CSMD1: variants seen among roughly 807,000 people sequenced by gnomAD.
The protein encoded by CSMD1 is CUB and Sushi multiple domains 1.
CSMD1 carries 213 observed loss-of-function variants against 417.5 expected under a neutral mutation model. The observed-to-expected ratio is 0.51, with a 90% CI of 0.46 to 0.57. The LOEUF is 0.57. Among genes scored for constraint, CSMD1 ranks in the 20% least tolerant of loss-of-function variants. CSMD1 has a pLI of 0.00. For missense variants in CSMD1, 6,923 were observed against 4,529.7 expected (o/e 1.53, Z -15.17); for synonymous variants, 2,862 against 1,736.8 (o/e 1.65, Z -16.11).
At chr8:3,617,186 A>G (rs1223567821) in intron 7 of CSMD1, among the ~76,000 whole-genome samples, 1 of 152,212 alleles carries the variant, frequency 6.6e-6, no homozygotes, top group East Asian at 1.9e-4. Flanking sequence ...CATAGATGAC[A>G]ACAGAGATGA....
chr8:4,808,454 T>C (rs953003480), intron 1 of CSMD1, among the ~76,000 whole-genome samples: 1 of 152,186 alleles, frequency 6.6e-6, no homozygotes, highest in Non-Finnish European at 1.5e-5. Flanking sequence ...TCTTGTAACT[T>C]ACTTGAAGCT....
chr8:3,912,066 C>G (rs1325129789), intron 5 of CSMD1, among the ~76,000 whole-genome samples: 1 of 152,124 alleles, frequency 6.6e-6, no homozygotes, highest in Non-Finnish European at 1.5e-5. Flanking sequence ...TTATATTTGA[C>G]TGAGTCTTTT....
intron 3 of CSMD1, among the ~76,000 whole-genome samples, chr8:4,338,713 T>A (rs1409835024): frequency 6.6e-6 from 1 of 152,166 alleles, no homozygotes; most frequent in African/African-American, 2.4e-5. Context: ...ACAAGTATTT[T>A]TTTAACTCAG....
In CSMD1 at chr8:3,940,722, C is replaced by T. The variant is rs140784580; in HGVS notation, c.818+57181G>A. On this transcript the variant is annotated intron_variant, in intron 5 of 69. Transcript: ENST00000635120. ...TTTTATAATACAAATTTCATACTAGCATTCATTTTTAAAGTAGCTTATTTT... is the reference window on the plus strand; with the variant it reads ...TTTTATAATACAAATTTCATACTAGTATTCATTTTTAAAGTAGCTTATTTT... Among the ~76,000 whole-genome samples, 1,481 of 151,720 alleles carry T rather than the reference C, an allele frequency of 9.8e-3. 22 individuals carry two copies. The highest frequency in any genetic ancestry group is 0.034 in the African/African-American group (1,387 of 41,370).
intron 49 of CSMD1, among the ~76,000 whole-genome samples, chr8:3,084,055 C>T (rs954223823): frequency 6.6e-6 from 1 of 152,098 alleles, no homozygotes; most frequent in Non-Finnish European, 1.5e-5. Flanking sequence ...TGGGTCAGTA[C>T]ACACAACTGC....
intron 26 of CSMD1, among the ~76,000 whole-genome samples, chr8:3,282,393 A>T (rs2117224757): frequency 6.6e-6 from 1 of 152,318 alleles, no homozygotes; most frequent in South Asian, 2.1e-4. Flanking sequence ...GTTGAAAAAA[A>T]TGCCTGGAGA....
At chr8:4,694,623 A>G (rs1376049840) in intron 1 of CSMD1, among the ~76,000 whole-genome samples, 1 of 151,930 alleles carries the variant, frequency 6.6e-6, no homozygotes, top group Non-Finnish European at 1.5e-5. Context: ...TCAGCCTTCC[A>G]AAGTACTAGG....
At chr8:4,661,668 T>C (rs533837904) in intron 1 of CSMD1, among the ~76,000 whole-genome samples, 60 of 152,314 alleles carry the variant, frequency 3.9e-4, no homozygotes, top group African/African-American at 1.4e-3. Flanking sequence ...TATCTCTCCG[T>C]ATTATTGTTT....
intron 3 of CSMD1, among the ~76,000 whole-genome samples, chr8:4,186,630 G>C (rs550422786): frequency 4.3e-4 from 65 of 152,150 alleles, no homozygotes; most frequent in Non-Finnish European, 6.8e-4. Context: ...GGGGCTAAGA[G>C]GCTATTATTT....
chr8:3,949,924 G>C (rs1279535469), intron 5 of CSMD1: 1 of 455,848 alleles, frequency 2.2e-6, no homozygotes, highest in East Asian at 6.9e-5. Context: ...TGTTGAGGCA[G>C]GACGTGAAAA....
chr8:3,425,427 A>T (rs1386809564), intron 12 of CSMD1, among the ~76,000 whole-genome samples: 1 of 151,956 alleles, frequency 6.6e-6, no homozygotes, highest in Admixed American at 6.6e-5. Context: ...GTCTCTACTA[A>T]AAATACAAAA....
At chr8:4,395,126 C>T (rs1374143666) in intron 3 of CSMD1, among the ~76,000 whole-genome samples, 2 of 152,188 alleles carry the variant, frequency 1.3e-5, no homozygotes, top group Non-Finnish European at 2.9e-5. Context: ...GAGAGTGGAG[C>T]TGAAGCCCTT....
At chr8:3,363,929 G>C (rs1225550110) in intron 20 of CSMD1, among the ~76,000 whole-genome samples, 1 of 152,050 alleles carries the variant, frequency 6.6e-6, no homozygotes, top group East Asian at 1.9e-4. Context: ...TGGAATACGG[G>C]GCTCTTTTTC....
chr8:4,407,830 A>T (rs535515207), intron 3 of CSMD1, among the ~76,000 whole-genome samples: 3 of 152,206 alleles, frequency 2.0e-5, no homozygotes, highest in Non-Finnish European at 2.9e-5. Context: ...AACAAGTGTG[A>T]AAGTCTTAAA....
intron 23 of CSMD1, among the ~76,000 whole-genome samples, chr8:3,342,611 T>A (rs560824421): frequency 6.6e-6 from 1 of 152,326 alleles, no homozygotes; most frequent in Non-Finnish European, 1.5e-5. Context: ...GCATCTCTTT[T>A]ATTTCCCTGT....
intron 1 of CSMD1, among the ~76,000 whole-genome samples, chr8:4,800,907 C>T (rs1293175382): frequency 6.6e-6 from 1 of 152,232 alleles, no homozygotes; most frequent in African/African-American, 2.4e-5. Flanking sequence ...GTACTCATCA[C>T]AGATTCTGTA....
At chr8:4,240,626 T>A (rs973739306) in intron 3 of CSMD1, among the ~76,000 whole-genome samples, 7 of 152,174 alleles carry the variant, frequency 4.6e-5, no homozygotes, top group Non-Finnish European at 8.8e-5. Flanking sequence ...CTATCCAATC[T>A]CATTCCCAGT....
intron 11 of CSMD1, among the ~76,000 whole-genome samples, chr8:3,486,718 T>C (rs1043102947): frequency 7.9e-5 from 12 of 152,234 alleles, no homozygotes; most frequent in African/African-American, 2.9e-4. Flanking sequence ...TTCTTCCCTG[T>C]AGGAAGGTTG....
At chr8:3,298,416 G>A (rs1414279887) in intron 25 of CSMD1, among the ~76,000 whole-genome samples, 1 of 152,056 alleles carries the variant, frequency 6.6e-6, no homozygotes, top group East Asian at 1.9e-4. Context: ...TGAAGATTGA[G>A]GAAATGAAGT....
Sources: gnomAD v4.1 joint callset for allele counts (sites outside exome capture counted in the v4.1 genomes callset) on GRCh38, gnomAD v4.1.1 for gene constraint, MANE v1.5 for transcripts, NCBI Gene and HGNC (gene_info 2026-07-23, HGNC 2026-07-21) for gene names.